The following THRB variants were observed in gnomAD, a reference collection of about 807,000 sequenced individuals.
THRB encodes nuclear receptor subfamily 1 group A member 2.
Under a neutral mutation model 47.8 loss-of-function variants are expected in THRB, and 12 were observed. That is an observed-to-expected ratio of 0.25 (90% confidence interval 0.16 to 0.41). The LOEUF (loss-of-function observed/expected upper bound fraction) is 0.41. THRB is among the 10% of genes least tolerant of loss of function. THRB has a pLI of 1.00. For missense variants in THRB, 348 were observed against 589.2 expected, an observed-to-expected ratio of 0.59 and a Z score of 4.24; for synonymous variants, 218 against 212.2, an observed-to-expected ratio of 1.03 and a Z score of -0.24.
chr3:24,299,469 A>G (rs181827501), intron 2 of THRB, among the ~76,000 whole-genome samples: 2 of 152,158 alleles, frequency 1.3e-5, no homozygotes, highest in African/African-American at 4.8e-5. Flanking sequence ...TAATGTGAAT[A>G]ACTTATTTGT....
chr3:24,480,997 A>G (rs1271760461), intron 1 of THRB, among the ~76,000 whole-genome samples: 1 of 152,158 alleles, frequency 6.6e-6, no homozygotes, highest in Admixed American at 6.6e-5. Flanking sequence ...CTGTCACCTA[A>G]GGAAGTTATT....
At chr3:24,258,256 C>T (rs930173726) in intron 3 of THRB, among the ~76,000 whole-genome samples, 1 of 152,048 alleles carries the variant, frequency 6.6e-6, no homozygotes, top group Non-Finnish European at 1.5e-5. Context: ...GGGTGGGAGG[C>T]CCTGTCCGTC....
intron 6 of THRB, among the ~76,000 whole-genome samples, chr3:24,147,865 C>T (rs1220580833): frequency 6.6e-6 from 1 of 152,136 alleles, no homozygotes; most frequent in African/African-American, 2.4e-5. Flanking sequence ...TTGCCCAAAT[C>T]ACATGGTAAG....
intron 3 of THRB, among the ~76,000 whole-genome samples, chr3:24,273,928 T>G (rs140220877): frequency 2.8e-4 from 42 of 152,354 alleles, no homozygotes; most frequent in African/African-American, 1.0e-3. Context: ...GCCTATCCTT[T>G]ATTTTTCTTG....
At chr3:24,474,316 T>C (rs970686218) in intron 1 of THRB, among the ~76,000 whole-genome samples, 2 of 152,232 alleles carry the variant, frequency 1.3e-5, no homozygotes, top group African/African-American at 2.4e-5. Context: ...AATAGGATAC[T>C]ATCCTCAAAA....
At chr3:24,388,452 G>A (rs2066305391) in intron 1 of THRB, among the ~76,000 whole-genome samples, 1 of 152,152 alleles carries the variant, frequency 6.6e-6, no homozygotes, top group Non-Finnish European at 1.5e-5. Context: ...AAAGCATATA[G>A]AATGGAATTT....
At chr3:24,259,060 C>G (rs2051636180) in intron 3 of THRB, among the ~76,000 whole-genome samples, 1 of 152,096 alleles carries the variant, frequency 6.6e-6, no homozygotes, top group South Asian at 2.1e-4. Flanking sequence ...CTTCGTGCCC[C>G]CACTGCAGAC....
intron 6 of THRB, among the ~76,000 whole-genome samples, chr3:24,151,923 C>T (rs1487113648): frequency 6.6e-6 from 1 of 152,132 alleles, no homozygotes; most frequent in East Asian, 1.9e-4. Flanking sequence ...CAAAGATATT[C>T]CCTATTGGAA....
chr3:24,314,651 T>C (rs1303429242), intron 2 of THRB, among the ~76,000 whole-genome samples: 1 of 152,204 alleles, frequency 6.6e-6, no homozygotes, highest in Non-Finnish European at 1.5e-5. Context: ...TGCTTAAAAA[T>C]AGCTGTAATC....
chr3:24,368,880 T>G (rs1451488428), intron 1 of THRB, among the ~76,000 whole-genome samples: 1 of 152,168 alleles, frequency 6.6e-6, no homozygotes, highest in Non-Finnish European at 1.5e-5. Context: ...GCTCAGAAAT[T>G]TTCTCATTAA....
At chr3:24,384,723 C>G (rs1002651130) in intron 1 of THRB, among the ~76,000 whole-genome samples, 3 of 152,140 alleles carry the variant, frequency 2.0e-5, no homozygotes, top group African/African-American at 4.8e-5. Context: ...AAGATTACTT[C>G]TTAGTACTGT....
intron 1 of THRB, among the ~76,000 whole-genome samples, chr3:24,440,679 T>C (rs1245365330): frequency 2.0e-5 from 3 of 152,122 alleles, no homozygotes; most frequent in Non-Finnish European, 4.4e-5. Flanking sequence ...ATATAGAATA[T>C]AATTTCAGAA....
At chr3:24,379,249 GTAATTTA>G (rs758408643) in intron 1 of THRB, among the ~76,000 whole-genome samples, 4 of 151,882 alleles carry the variant, frequency 2.6e-5, no homozygotes, top group African/African-American at 4.8e-5. Flanking sequence ...ACTATATATA[GTAATTTA>G]TAATTTATAT....
chr3:24,474,345 T>C (rs959490839), intron 1 of THRB, among the ~76,000 whole-genome samples: 12 of 152,242 alleles, frequency 7.9e-5, no homozygotes, highest in African/African-American at 2.7e-4. Flanking sequence ...TCCTTTGGTA[T>C]GGGCACAGGG....
intron 3 of THRB, among the ~76,000 whole-genome samples, chr3:24,287,867 A>C (rs912632625): frequency 6.6e-6 from 1 of 152,194 alleles, no homozygotes; most frequent in African/African-American, 2.4e-5. Context: ...CTTTAAAAGG[A>C]AACACCAGTA....
intron 1 of THRB, among the ~76,000 whole-genome samples, chr3:24,473,771 A>G (rs1314479766): frequency 6.6e-6 from 1 of 152,234 alleles, no homozygotes; most frequent in Non-Finnish European, 1.5e-5. Flanking sequence ...AAAAAGGATG[A>G]GTTCATGTCC....
At chr3:24,233,458 A>T (rs1276879582) in intron 3 of THRB, among the ~76,000 whole-genome samples, 1 of 151,372 alleles carries the variant, frequency 6.6e-6, no homozygotes, top group Non-Finnish European at 1.5e-5. Context: ...CCCTGTCTCA[A>T]AAAAAAGGAA....
chr3:24,232,820 G>A (rs1176334368), intron 3 of THRB, among the ~76,000 whole-genome samples: 1 of 152,160 alleles, frequency 6.6e-6, no homozygotes, highest in African/African-American at 2.4e-5. Context: ...TTAAGAGGTA[G>A]AAACAAGACT....
intron 1 of THRB, among the ~76,000 whole-genome samples, chr3:24,468,144 C>T (rs2074294327): frequency 6.6e-6 from 1 of 152,188 alleles, no homozygotes; most frequent in African/African-American, 2.4e-5. Flanking sequence ...GCAAACTTCA[C>T]ATTTTTCTTC....
Sources: allele counts gnomAD v4.1 joint callset (sites outside exome capture counted in the v4.1 genomes callset), GRCh38; gene constraint gnomAD v4.1.1; transcripts MANE v1.5; gene names NCBI Gene and HGNC (gene_info 2026-07-23, HGNC 2026-07-21).